The following RTN1 variants were observed in gnomAD, a reference collection of about 807,000 sequenced individuals.
RTN1 encodes reticulon 1, also known as reticulon-1.
A neutral mutation model predicts 65.5 loss-of-function variants in RTN1; 25 were observed. That is an observed-to-expected ratio of 0.38 (90% CI 0.28 to 0.53). The LOEUF is 0.53. Among genes scored for constraint, RTN1 ranks in the 20% least tolerant of loss-of-function variants. RTN1 has a pLI of 0.79. For synonymous variants in RTN1, 471 were observed against 447.6 expected, an observed-to-expected ratio of 1.05 and a Z score of -0.66; for missense variants, 983 against 1,025.4, an observed-to-expected ratio of 0.96 and a Z score of 0.57.
At position 59,748,154 on chromosome 14, in the gene RTN1, T is replaced by C. The variant is rs551825327; in HGVS notation, c.242-1673A>G. 2.7e-5 allele frequency among the ~76,000 whole-genome samples: 4 copies of C among 149,588 alleles called. No individual in the cohort carries two copies. In the South Asian group the frequency reaches 8.4e-4, roughly 32 times the overall value. On this transcript the variant is annotated intron_variant, in intron 1 of 8. Coordinates refer to ENST00000267484, the MANE Select transcript of RTN1 (RefSeq NM_021136.3). ...AACCAGGATTCACACCCAAGTAACC[T>C]GGAAGCCAAGAAACCTCCCCTAATG...
chr14:59,657,504 A>C (rs1883146973), intron 3 of RTN1, among the ~76,000 whole-genome samples: 1 of 152,200 alleles, frequency 6.6e-6, no homozygotes, highest in Non-Finnish European at 1.5e-5. Context: ...TGAGATCAAC[A>C]CAGAAGGTGG....
intron 1 of RTN1, among the ~76,000 whole-genome samples, chr14:59,858,354 T>C (rs1887646268): frequency 6.6e-6 from 1 of 152,172 alleles, no homozygotes; most frequent in African/African-American, 2.4e-5. Context: ...CCTGATTTTT[T>C]CAGAGTGAGC....
chr14:59,818,981 G>A (rs1042157664), intron 1 of RTN1, among the ~76,000 whole-genome samples: 9 of 152,152 alleles, frequency 5.9e-5, no homozygotes, highest in Non-Finnish European at 8.8e-5. Flanking sequence ...GGAATTGTCC[G>A]TTCCTTCCAG....
At chr14:59,642,640 T>C (rs561758448) in intron 3 of RTN1, among the ~76,000 whole-genome samples, 1 of 152,344 alleles carries the variant, frequency 6.6e-6, no homozygotes, top group East Asian at 1.9e-4. Context: ...ATTTTACCTT[T>C]CAGTTCTAGT....
Position 59,693,005 on chromosome 14 carries a change from C to T in RTN1, c.1765+33914G>A, listed in dbSNP as rs530930792. Among the ~76,000 whole-genome samples, 29 of 152,222 alleles carry T rather than the reference C, an allele frequency of 1.9e-4. No individual in the cohort carries two copies. In the South Asian group the frequency reaches 5.6e-3, roughly 29 times the overall value. On this transcript the variant is annotated intron_variant, in intron 3 of 8. Coordinates refer to ENST00000267484, the MANE Select transcript of RTN1 (RefSeq NM_021136.3). The stretch of plus-strand genomic sequence containing the variant: ...TTTTAGGTGGAAATCTTAACCCCAT[C>T]GTGACGATATTAGGAGGTGGGGCCT...
intron 1 of RTN1, among the ~76,000 whole-genome samples, chr14:59,751,875 G>A (rs879634437): frequency 2.0e-5 from 3 of 152,082 alleles, no homozygotes; most frequent in Non-Finnish European, 4.4e-5. Context: ...CTGTAGCCTG[G>A]CATTTGAGAC....
intron 1 of RTN1, among the ~76,000 whole-genome samples, chr14:59,786,055 G>A (rs1566726535): frequency 6.6e-6 from 1 of 152,200 alleles, no homozygotes; most frequent in Non-Finnish European, 1.5e-5. Context: ...GGAGGGTATA[G>A]AAAGAAGCCA....
At chr14:59,763,148 G>A (rs111876219) in intron 1 of RTN1, among the ~76,000 whole-genome samples, 5 of 152,098 alleles carry the variant, frequency 3.3e-5, no homozygotes, top group African/African-American at 4.8e-5. Flanking sequence ...CTCTCTCCCC[G>A]TGTACTCAAA....
intron 1 of RTN1, among the ~76,000 whole-genome samples, chr14:59,847,634 T>TA (rs1887433236): frequency 6.6e-6 from 1 of 152,224 alleles, no homozygotes; most frequent in Non-Finnish European, 1.5e-5. Context: ...CTTTCTATCA[T>TA]AAAATCATGG....
intron 2 of RTN1, among the ~76,000 whole-genome samples, chr14:59,732,112 T>G (rs1305063099): frequency 6.6e-6 from 1 of 152,150 alleles, no homozygotes; most frequent in Non-Finnish European, 1.5e-5. Context: ...CAGGCATTGT[T>G]CAAGAGTGAA....
At chr14:59,628,431 C>T (rs1174067247) in intron 3 of RTN1, among the ~76,000 whole-genome samples, 1 of 152,022 alleles carries the variant, frequency 6.6e-6, no homozygotes, top group Non-Finnish European at 1.5e-5. Context: ...AACAAAACCT[C>T]AATGTAGATT....
At chr14:59,726,883 G>A in intron 3 of RTN1, 36 bp downstream of exon 3, 1 of 1,564,192 alleles carries the variant, frequency 6.4e-7, no homozygotes, top group South Asian at 1.2e-5. Flanking sequence ...CCAGAGGGAG[G>A]ACACTAACCA....
Position 59,746,500 on chromosome 14 carries a change from GCAGA to G in RTN1, c.242-23_242-20del. The G allele has an allele frequency of 1.3e-6, 2 of 1,552,380 alleles. No homozygotes were observed. Among genetic ancestry groups the G allele is most frequent in the Non-Finnish European group, 1.7e-6 (2 of 1,153,384 alleles). The stretch of plus-strand genomic sequence containing the variant: ...GCCACACCTATGAATCAAAGCAGCA[GCAGA>G]CAGTGAGTGGGTGCTTGGCGTCAGC... On this transcript the variant is annotated intron_variant, in intron 1 of 8. Coordinates refer to ENST00000267484, the MANE Select transcript of RTN1 (RefSeq NM_021136.3).
At chr14:59,654,390 C>CG (rs1328441327) in intron 3 of RTN1, among the ~76,000 whole-genome samples, 2 of 146,204 alleles carry the variant, frequency 1.4e-5, no homozygotes. Flanking sequence ...GATTGTGCCA[C>CG]GGCACTCCAG....
In RTN1 at chr14:59,740,979, T is replaced by G. The variant is rs1203611719; in HGVS notation, c.1015+4729A>C. ...TGTTTGCTGCTGATGATAATTATGATGATATAATTGAGAGGAATAAAAGGA... is the reference window on the plus strand; with the variant it reads ...TGTTTGCTGCTGATGATAATTATGAGGATATAATTGAGAGGAATAAAAGGA... On this transcript the variant is annotated intron_variant, in intron 2 of 8. Transcript: ENST00000267484. 2.6e-5 allele frequency among the ~76,000 whole-genome samples: 4 copies of G among 152,278 alleles called. 1 individual carries two copies. In the East Asian group the frequency reaches 7.7e-4, roughly 29 times the overall value.
chr14:59,870,464 C>T lies in RTN1; in HGVS notation c.167G>A (p.Arg56Gln), dbSNP rs915048314. 19 of 1,484,282 alleles carry T rather than the reference C, an allele frequency of 1.3e-5. No individual in the cohort carries two copies. The African/African-American group carries it at 1.9e-4, about 15-fold the overall frequency. 91.9% of individuals were successfully genotyped at this position (1,484,282 alleles called of 1,614,324 possible). ...EPSPGLGARA[R>Q]EAASREAGSG... ...GCCGGCTTCCCGCGACGCCGCTTCC[C>T]GGGCCCTGGCGCCCAACCCCGGGCT... is the stretch of plus-strand genomic sequence containing the variant. Residue 56 changes from arginine (R) to glutamine (Q), a missense_variant, in exon 1 of 9, where the codon CGG becomes CAG. Physicochemically the swap from Arg to Gln is conservative, Grantham distance 43. Coordinates refer to ENST00000267484, the MANE Select transcript of RTN1 (RefSeq NM_021136.3). This position sits in a 1 kb window ranked among gnomAD's most constrained non-coding sequence, Gnocchi z 5.1.
intron 3 of RTN1, among the ~76,000 whole-genome samples, chr14:59,672,625 CTTTTTTTT>C (rs71111662): frequency 1.1e-4 from 9 of 79,084 alleles, no homozygotes; most frequent in East Asian, 9.7e-4. Context: ...CAAGATATTT[CTTTTTTTT>C]TTTTTTTTTT....
intron 3 of RTN1, among the ~76,000 whole-genome samples, chr14:59,677,650 C>G (rs1206826720): frequency 6.6e-6 from 1 of 152,140 alleles, no homozygotes; most frequent in Non-Finnish European, 1.5e-5. Context: ...ATGCAAAGAA[C>G]AGGCGTAATT....
chr14:59,819,956 C>T (rs1188455815), intron 1 of RTN1, among the ~76,000 whole-genome samples: 3 of 152,184 alleles, frequency 2.0e-5, no homozygotes, highest in East Asian at 3.9e-4. Flanking sequence ...CAGAGGGAGC[C>T]GGCTCTGGCC....
Sources: gnomAD v4.1 joint callset for allele counts (sites outside exome capture counted in the v4.1 genomes callset) on GRCh38, gnomAD v4.1.1 for gene constraint, Gnocchi (gnomAD v3.1) non-coding constraint, MANE v1.5 for transcripts, NCBI Gene and HGNC (gene_info 2026-07-23, HGNC 2026-07-21) for gene names.